The following PALD1 variants were observed in gnomAD, a reference collection of about 807,000 sequenced individuals.
PALD1 encodes paladin.
PALD1 carries 57 observed loss-of-function variants against 96.0 expected under a neutral mutation model. The ratio of observed to expected loss-of-function variants is 0.59; its 90% confidence interval spans 0.48 to 0.74. The LOEUF is 0.74. Among genes scored for constraint, PALD1 ranks in the 30% least tolerant of loss-of-function variants. The probability of loss-of-function intolerance (pLI) is 0.00; values close to 1 mark genes in which losing one functional copy is unlikely to be tolerated. For synonymous variants in PALD1, 464 were observed against 473.6 expected, an observed-to-expected ratio of 0.98 and a Z score of 0.26; for missense variants, 1,063 against 1,143.7, an observed-to-expected ratio of 0.93 and a Z score of 1.02.
intron 18 of PALD1, among the ~76,000 whole-genome samples, chr10:70,563,418 T>C (rs1486736268): frequency 6.6e-6 from 1 of 152,196 alleles, no homozygotes; most frequent in Non-Finnish European, 1.5e-5. Flanking sequence ...AAATCTCTCT[T>C]TAATTGGCTT....
chr10:70,517,396 C>G (rs1310724210), intron 1 of PALD1, among the ~76,000 whole-genome samples: 1 of 147,530 alleles, frequency 6.8e-6, no homozygotes, highest in East Asian at 2.0e-4. Context: ...GGCTGGAGTG[C>G]AGTGGTGCAA....
intron 17 of PALD1, among the ~76,000 whole-genome samples, chr10:70,544,948 G>A (rs557146652): frequency 6.6e-6 from 1 of 152,364 alleles, no homozygotes; most frequent in Non-Finnish European, 1.5e-5. Context: ...CGCAGGAGTT[G>A]GGGAAAGGCC....
At chr10:70,558,983 G>A (rs1306642300) in intron 18 of PALD1, among the ~76,000 whole-genome samples, 1 of 152,128 alleles carries the variant, frequency 6.6e-6, no homozygotes, top group Non-Finnish European at 1.5e-5. Context: ...AGGGTCTGGT[G>A]ATAGCTGGGC....
the PALD1 span, among the ~76,000 whole-genome samples, chr10:70,460,059 T>C: frequency 1.4e-4 from 22 of 152,238 alleles, no homozygotes; most frequent in African/African-American, 5.3e-4. Context: ...CAGCCCTGCC[T>C]GGCCGCACAG....
the PALD1 span, among the ~76,000 whole-genome samples, chr10:70,470,318 C>T: frequency 6.6e-6 from 1 of 152,010 alleles, no homozygotes; most frequent in Non-Finnish European, 1.5e-5. Flanking sequence ...TAAGAATGTT[C>T]CAAATTAAAA....
intron 18 of PALD1, among the ~76,000 whole-genome samples, 169 bp from the exon 19 acceptor site, chr10:70,564,195 C>G (rs1398544874): frequency 6.6e-6 from 1 of 152,274 alleles, no homozygotes; most frequent in East Asian, 1.9e-4. Flanking sequence ...GCTCCTGACC[C>G]GCGGCCCTGG....
At chr10:70,537,100 G>A (rs1847129578) in intron 10 of PALD1, among the ~76,000 whole-genome samples, 1 of 152,014 alleles carries the variant, frequency 6.6e-6, no homozygotes, top group Non-Finnish European at 1.5e-5. Flanking sequence ...TTCTTGTGGA[G>A]AGGCTCCAGT....
At chr10:70,524,492 T>C (rs2132348634) in intron 1 of PALD1, among the ~76,000 whole-genome samples, 1 of 152,320 alleles carries the variant, frequency 6.6e-6, no homozygotes, top group African/African-American at 2.4e-5. Flanking sequence ...TTAAATAGGT[T>C]TTAACCATAT....
rs1243052038 is a variant in PALD1, at chr10:70,567,789, C to T, written c.*1056C>T. ...CCAGACCCTGCTGAGTTAGAGGCTG[C>T]TGGGATCCACTGTTTCCACACAGCG... On this transcript the variant is annotated 3_prime_UTR_variant, in exon 20 of 20. Coordinates refer to ENST00000263563, the MANE Select transcript of PALD1 (RefSeq NM_014431.3). 6.6e-6 allele frequency: 1 copy of T among 152,496 alleles called. No individual in the cohort carries two copies. Among genetic ancestry groups the T allele is most frequent in the Non-Finnish European group, 1.5e-5 (1 of 68,062 alleles). The allele number at this position is 152,496 out of a possible 1,614,324, so 9.4% of individuals were successfully genotyped here. A position where few individuals can be genotyped will look rare whatever the true frequency, so the allele number is the denominator to read the frequency against.
chr10:70,528,512 G>A (rs187881227), intron 2 of PALD1, among the ~76,000 whole-genome samples: 77 of 152,292 alleles, frequency 5.1e-4, no homozygotes, highest in African/African-American at 1.7e-3. Flanking sequence ...GTTACCAAGC[G>A]GTGGGTGGAG....
At chr10:70,477,781 G>C (rs2394723), upstream of PALD1, among the ~76,000 whole-genome samples, 126,969 of 152,206 alleles carry the variant, frequency 0.83, 53,517 homozygotes, top group East Asian at 0.93. Context: ...CCAGCTCGCC[G>C]AAATCCAGCT....
chr10:70,469,853 G>C, the PALD1 span, among the ~76,000 whole-genome samples: 1 of 152,090 alleles, frequency 6.6e-6, no homozygotes, highest in Non-Finnish European at 1.5e-5. Context: ...GAGTGCAGTG[G>C]TGCAATCTCG....
In PALD1 at chr10:70,533,991, A is replaced by G. The variant is rs1268709862; in HGVS notation, c.940A>G (p.Met314Val). Residue 314 changes from methionine (M) to valine (V), a missense_variant, in exon 8 of 20, where the codon ATG becomes GTG. Transcript: ENST00000263563. The stretch of plus-strand genomic sequence containing the variant: ...CCCAGCCCTCGTCTTCAGCTGCCAG[A>G]TGGGCGTGGGCAGGACCAACCTGGG... Reference protein sequence around the residue: ...PPPALVFSCQMGVGRTNLGMV... With the variant: ...PPPALVFSCQVGVGRTNLGMV... 3.7e-6 allele frequency: 6 copies of G among 1,613,168 alleles called. No homozygotes were observed. Among genetic ancestry groups the G allele is most frequent in the African/African-American group, 1.3e-5 (1 of 74,890 alleles).
chr10:70,555,932 C>T (rs1023420504), intron 18 of PALD1, among the ~76,000 whole-genome samples: 12 of 152,100 alleles, frequency 7.9e-5, no homozygotes, highest in Non-Finnish European at 1.5e-4. Flanking sequence ...ACCCGGGAGG[C>T]GGAGCTTGCA....
At chr10:70,527,786 G>A (rs1846898809) in intron 2 of PALD1, among the ~76,000 whole-genome samples, 1 of 152,096 alleles carries the variant, frequency 6.6e-6, no homozygotes, top group African/African-American at 2.4e-5. Flanking sequence ...TTTCCAAAAG[G>A]CACTTTTTTT....
intron 18 of PALD1, among the ~76,000 whole-genome samples, chr10:70,554,333 G>T (rs11597743): frequency 0.53 from 80,617 of 151,876 alleles, 22,031 homozygotes; most frequent in Middle Eastern, 0.66. Context: ...GGAGGCTGAG[G>T]CAGGAGAATC....
rs111831918 is a variant in PALD1 at position 70,556,202 on chromosome 10, G to T, written c.2263-8162G>T. On this transcript the variant is annotated intron_variant, in intron 18 of 19. Transcript: ENST00000263563. ...CCCAGCCTAGAACGGCTTCCAGAAC[G>T]GAGTGTGTGTGTGAGTGTGCATGTG... is the stretch of plus-strand genomic sequence containing the variant. Among the ~76,000 whole-genome samples the T allele has an allele frequency of 4.4e-3, 661 of 151,810 alleles. 3 individuals carry two copies. The highest frequency in any genetic ancestry group is 0.015 in the African/African-American group (610 of 41,348).
chr10:70,491,420 T>G (rs1846096823), intron 1 of PALD1, among the ~76,000 whole-genome samples: 1 of 151,672 alleles, frequency 6.6e-6, no homozygotes, highest in African/African-American at 2.4e-5. Flanking sequence ...CCCACCTGCT[T>G]TTTTTTTCCT....
At position 70,540,569 on chromosome 10, in the gene PALD1, T is replaced by C. The variant is rs1206649038; in HGVS notation, c.1909-533T>C. On this transcript the variant is annotated intron_variant, in intron 15 of 19. Coordinates refer to ENST00000263563, the MANE Select transcript of PALD1 (RefSeq NM_014431.3). This position sits in a 1 kb window ranked among gnomAD's most constrained non-coding sequence, Gnocchi z 4.2. ...GGTGCGTGTGTTGTAGGTGGGTCGC[T>C]GTGTGCTGTGTAACTGGCAATGGGG... Among the ~76,000 whole-genome samples the C allele has an allele frequency of 4.6e-5, 7 of 152,032 alleles. No homozygotes were observed. The highest frequency in any genetic ancestry group is 1.7e-4 in the African/African-American group (7 of 41,356).
Sources: allele counts gnomAD v4.1 joint callset (sites outside exome capture counted in the v4.1 genomes callset), GRCh38; gene constraint gnomAD v4.1.1; non-coding constraint Gnocchi (gnomAD v3.1); transcripts MANE v1.5; gene names NCBI Gene and HGNC (gene_info 2026-07-23, HGNC 2026-07-21).